TMEM232: variants seen among roughly 807,000 people sequenced by gnomAD.
TMEM232 encodes the protein transmembrane protein 232.
TMEM232 carries 80 observed loss-of-function variants against 78.8 expected under a neutral mutation model. That is an observed-to-expected ratio of 1.01 (90% CI 0.85 to 1.22). The LOEUF (loss-of-function observed/expected upper bound fraction) is 1.22, where lower values mean the gene tolerates loss of function less well. Among genes scored for constraint, TMEM232 ranks in the 50% most tolerant of loss-of-function variants. The pLI is 0.00. For synonymous variants in TMEM232, 297 were observed against 254.3 expected (o/e 1.17, Z -1.60); for missense variants, 881 against 742.2 (o/e 1.19, Z -2.17).
intron 12 of TMEM232, among the ~76,000 whole-genome samples, chr5:110,457,340 T>C (rs572940973): frequency 6.7e-4 from 102 of 152,180 alleles, no homozygotes; most frequent in African/African-American, 2.4e-3. Flanking sequence ...TAAGAATGGC[T>C]ACAGTTAACA....
At chr5:110,499,830 C>A (rs113108561) in intron 12 of TMEM232, among the ~76,000 whole-genome samples, 2 of 151,858 alleles carry the variant, frequency 1.3e-5, no homozygotes, top group Non-Finnish European at 2.9e-5. Flanking sequence ...CCTCTTTAAT[C>A]GATAAAATTT....
chr5:110,678,839 T>C (rs1792357522), intron 1 of TMEM232, among the ~76,000 whole-genome samples: 2 of 152,184 alleles, frequency 1.3e-5, no homozygotes, highest in African/African-American at 4.8e-5. Context: ...TTCCTCCATG[T>C]CTTTTTATGA....
intron 8 of TMEM232, among the ~76,000 whole-genome samples, chr5:110,616,635 G>A (rs1782957065): frequency 6.6e-6 from 1 of 151,964 alleles, no homozygotes; most frequent in African/African-American, 2.4e-5. Context: ...ATGAAAAAAT[G>A]GGTAAAGGAC....
intron 11 of TMEM232, among the ~76,000 whole-genome samples, chr5:110,542,318 T>C (rs1561659869): frequency 6.6e-6 from 1 of 152,182 alleles, no homozygotes; most frequent in Non-Finnish European, 1.5e-5. Flanking sequence ...CTAAGCAGAA[T>C]GTTTTAATTC....
At chr5:110,400,037 C>A (rs960869768) in intron 2 of TMEM232, among the ~76,000 whole-genome samples, 10 of 152,136 alleles carry the variant, frequency 6.6e-5, no homozygotes, top group African/African-American at 1.9e-4. Context: ...CATGTACATG[C>A]TTTTACAGTG....
intron 10 of TMEM232, among the ~76,000 whole-genome samples, chr5:110,583,657 CT>C (rs1331695804): frequency 6.6e-6 from 1 of 151,692 alleles, no homozygotes; most frequent in African/African-American, 2.4e-5. Flanking sequence ...AATAAAAAAG[CT>C]TCTGTACAAC....
chr5:110,525,371 C>T (rs1770418920), intron 12 of TMEM232, among the ~76,000 whole-genome samples: 1 of 151,856 alleles, frequency 6.6e-6, no homozygotes, highest in Non-Finnish European at 1.5e-5. Context: ...CAAAATTAAT[C>T]CACAGAAAGC....
At chr5:110,695,666 A>G (rs945965899) in intron 1 of TMEM232, among the ~76,000 whole-genome samples, 17 of 152,352 alleles carry the variant, frequency 1.1e-4, no homozygotes, top group African/African-American at 4.1e-4. Context: ...AGAGAATACT[A>G]TAAACACCTC....
At chr5:110,392,587 C>T (rs964681355) in intron 3 of TMEM232, among the ~76,000 whole-genome samples, 3 of 152,190 alleles carry the variant, frequency 2.0e-5, no homozygotes, top group African/African-American at 4.8e-5. Context: ...CAGATAGCTG[C>T]ATTTTCACTG....
chr5:110,648,901 G>C (rs1024045031), intron 2 of TMEM232, among the ~76,000 whole-genome samples: 9 of 152,020 alleles, frequency 5.9e-5, no homozygotes, highest in Non-Finnish European at 1.3e-4. Context: ...ACAGTCATTT[G>C]GAGTAGCTAC....
chr5:110,689,473 C>T (rs987970043), intron 1 of TMEM232, among the ~76,000 whole-genome samples: 1 of 151,960 alleles, frequency 6.6e-6, no homozygotes, highest in African/African-American at 2.4e-5. Context: ...ATACTGAAAA[C>T]TGAAGCATTT....
intron 1 of TMEM232, among the ~76,000 whole-genome samples, chr5:110,690,228 G>T (rs1793941341): frequency 6.6e-6 from 1 of 152,108 alleles, no homozygotes; most frequent in South Asian, 2.1e-4. Context: ...AATTTTTTCA[G>T]TCTATCCATC....
chr5:110,490,805 C>T (rs564939676), intron 12 of TMEM232, among the ~76,000 whole-genome samples: 1 of 152,230 alleles, frequency 6.6e-6, no homozygotes, highest in African/African-American at 2.4e-5. Flanking sequence ...TCTTATCTCA[C>T]ATCATATCAG....
chr5:110,516,108 A>G (rs555438947), intron 12 of TMEM232, among the ~76,000 whole-genome samples: 19 of 152,194 alleles, frequency 1.2e-4, no homozygotes, highest in South Asian at 1.2e-3. Flanking sequence ...GCGTGGTGGC[A>G]GGCACCTGTA....
chr5:110,637,142 T>C (rs930863773), intron 5 of TMEM232, among the ~76,000 whole-genome samples: 4 of 150,326 alleles, frequency 2.7e-5, no homozygotes, highest in Non-Finnish European at 4.4e-5. Context: ...TTTTTACTTA[T>C]ATATATTGTT....
chr5:110,644,781 T>C (rs890575986), intron 2 of TMEM232, among the ~76,000 whole-genome samples: 3 of 150,722 alleles, frequency 2.0e-5, no homozygotes, highest in Non-Finnish European at 4.4e-5. Flanking sequence ...AATTAAAGAA[T>C]AAAAAACTAA....
Position 110,590,835 on chromosome 5 carries a change from T to G in TMEM232, c.1276+14274A>C, listed in dbSNP as rs140844177. ...GGTGGAAGGGGAAGCAAGCACCTTC[T>G]TCACAAGGCAGCAGGAGAGAGAAGA... On this transcript the variant is annotated intron_variant, in intron 10 of 13. Coordinates refer to ENST00000455884, the MANE Select transcript of TMEM232 (RefSeq NM_001039763.4). 1.9e-3 allele frequency among the ~76,000 whole-genome samples: 296 copies of G among 152,226 alleles called. 1 individual carries two copies. The highest frequency in any genetic ancestry group is 6.1e-3 in the African/African-American group (254 of 41,544).
At chr5:110,396,163 A>G (rs1363155900) in intron 3 of TMEM232, among the ~76,000 whole-genome samples, 1 of 152,124 alleles carries the variant, frequency 6.6e-6, no homozygotes, top group Non-Finnish European at 1.5e-5. Context: ...GTGGCAGGAG[A>G]GAGAGAGAAT....
At chr5:110,628,999 C>A (rs369750176) in intron 5 of TMEM232, 1 of 151,870 alleles carries the variant, frequency 6.6e-6, no homozygotes, top group Non-Finnish European at 1.5e-5. Flanking sequence ...TATAAACATA[C>A]ACCATTTGTA....
Sources: allele counts gnomAD v4.1 joint callset (sites outside exome capture counted in the v4.1 genomes callset), GRCh38; gene constraint gnomAD v4.1.1; transcripts MANE v1.5; gene names NCBI Gene and HGNC (gene_info 2026-07-23, HGNC 2026-07-21).